PCDHA4: variants seen among roughly 807,000 people sequenced by gnomAD.
PCDHA4 encodes protocadherin alpha-4.
PCDHA4 carries 49 observed loss-of-function variants against 61.4 expected under a neutral mutation model. The ratio of observed to expected loss-of-function variants is 0.80; its 90% CI spans 0.63 to 1.01. PCDHA4 has a LOEUF of 1.01. Ranked by LOEUF, PCDHA4 falls within the 50% of genes least tolerant of loss-of-function variation. The pLI, the probability that PCDHA4 is intolerant of heterozygous loss-of-function variation, is 0.00. For missense variants in PCDHA4, 1,254 were observed against 1,235.8 expected (o/e 1.01, Z -0.22); for synonymous variants, 590 against 550.3 (o/e 1.07, Z -1.01).
intron 1 of PCDHA4, chr5:140,865,696 A>G (rs1233175579): frequency 2.0e-5 from 3 of 152,192 alleles, no homozygotes; most frequent in African/African-American, 7.2e-5. Flanking sequence ...GACTGTTCCA[A>G]TTTGAAAGAT....
intron 1 of PCDHA4, among the ~76,000 whole-genome samples, chr5:140,937,624 A>G (rs2091636613): frequency 6.6e-6 from 1 of 150,778 alleles, no homozygotes; most frequent in Non-Finnish European, 1.5e-5. Context: ...CTAAAAAGAA[A>G]AAGAAAGGCA....
intron 1 of PCDHA4, chr5:140,927,139 C>T: frequency 6.2e-7 from 1 of 1,614,046 alleles, no homozygotes; most frequent in Non-Finnish European, 8.5e-7. Context: ...GCCGGCGGAC[C>T]GCGAACAGCT....
At chr5:140,897,381 T>C (rs1258843270) in intron 1 of PCDHA4, among the ~76,000 whole-genome samples, 1 of 136,686 alleles carries the variant, frequency 7.3e-6, no homozygotes, top group Non-Finnish European at 1.5e-5. Flanking sequence ...CCCTTCCCCT[T>C]CCTGTGTCCA....
chr5:140,870,319 T>C (rs782623881), intron 1 of PCDHA4: 3 of 1,614,162 alleles, frequency 1.9e-6, no homozygotes, highest in Non-Finnish European at 2.5e-6. Context: ...TTACTACTCG[T>C]TGGTGCTGGA....
chr5:140,969,473 A>G (rs562575347), intron 1 of PCDHA4: 1 of 1,478,090 alleles, frequency 6.8e-7, no homozygotes, highest in Non-Finnish European at 9.0e-7. Flanking sequence ...CCACAATTTG[A>G]TCATAATCTG....
intron 1 of PCDHA4, among the ~76,000 whole-genome samples, chr5:140,916,064 T>G (rs1282899200): frequency 1.3e-5 from 2 of 152,156 alleles, no homozygotes; most frequent in African/African-American, 4.8e-5. Flanking sequence ...CCTCTCCCTG[T>G]GGCCAGTACT....
intron 1 of PCDHA4, chr5:140,822,475 G>A (rs2150116650): frequency 1.2e-6 from 2 of 1,613,728 alleles, no homozygotes; most frequent in South Asian, 1.1e-5. Context: ...TGTATTGGAT[G>A]CTAATGATAA....
chr5:140,876,228 T>G (rs1196218506), intron 1 of PCDHA4: 6 of 1,613,958 alleles, frequency 3.7e-6, no homozygotes, highest in Non-Finnish European at 5.1e-6. Flanking sequence ...TAGTGTTGTC[T>G]GAAAATGTCC....
intron 1 of PCDHA4, chr5:140,853,279 A>T: frequency 1.0e-6 from 1 of 979,476 alleles, no homozygotes; most frequent in African/African-American, 1.8e-5. Flanking sequence ...CTCTCATCAT[A>T]TGCAAATTCT....
intron 3 of PCDHA4, among the ~76,000 whole-genome samples, chr5:141,007,087 A>G (rs1554261040): frequency 6.6e-6 from 1 of 152,112 alleles, no homozygotes; most frequent in African/African-American, 2.4e-5. Context: ...AATAGAGAAG[A>G]GAGTCTAGGG....
At chr5:140,898,306 G>A (rs192633483) in intron 1 of PCDHA4, among the ~76,000 whole-genome samples, 25 of 152,228 alleles carry the variant, frequency 1.6e-4, no homozygotes, top group Non-Finnish European at 3.1e-4. Flanking sequence ...TTTCTTCTAG[G>A]GTTTTTATGG....
intron 1 of PCDHA4, among the ~76,000 whole-genome samples, chr5:140,906,762 G>GAGAC (rs1413130419): frequency 6.6e-6 from 1 of 152,218 alleles, no homozygotes; most frequent in Non-Finnish European, 1.5e-5. Context: ...GTAATACTAA[G>GAGAC]AGACACCCTA....
chr5:140,808,103 G>A lies in PCDHA4; in HGVS notation c.916G>A (p.Gly306Arg). ...DPITGQIIVK[G>R]YIDFEESKSY... ...AATTACTGGACAAATTATTGTAAAGGGATATATTGACTTTGAAGAAAGCAA... is the reference window on the plus strand; with the variant it reads ...AATTACTGGACAAATTATTGTAAAGAGATATATTGACTTTGAAGAAAGCAA... Residue 306 changes from glycine (G) to arginine (R), a missense_variant, in exon 1 of 4, where the codon GGA (glycine) becomes AGA (arginine). Coordinates refer to ENST00000530339, the MANE Select transcript of PCDHA4 (RefSeq NM_018907.4). 1 of 1,613,814 alleles carries A rather than the reference G, an allele frequency of 6.2e-7. No individual in the cohort carries two copies. The highest frequency in any genetic ancestry group is 8.5e-7 in the Non-Finnish European group (1 of 1,179,736).
At chr5:140,927,816 A>G in intron 1 of PCDHA4, 2 of 1,614,198 alleles carry the variant, frequency 1.2e-6, no homozygotes, top group Non-Finnish European at 1.7e-6. Flanking sequence ...TCTTGGAGGC[A>G]TACATTGAGG....
intron 1 of PCDHA4, chr5:140,821,411 G>A (rs966320829): frequency 1.1e-5 from 2 of 178,732 alleles, no homozygotes; most frequent in Non-Finnish European, 2.4e-5. Context: ...TTAAGATAGA[G>A]TTTAATGATA....
At chr5:140,998,403 A>G (rs375947232) in intron 3 of PCDHA4, among the ~76,000 whole-genome samples, 5 of 152,114 alleles carry the variant, frequency 3.3e-5, no homozygotes, top group Non-Finnish European at 7.4e-5. Context: ...CTTTATGCCA[A>G]AGTTTATCTA....
rs1282110712 is a variant in PCDHA4, at chr5:140,926,177, A to G, written c.2386-52772A>G. Among the ~76,000 whole-genome samples the G allele has an allele frequency of 2.0e-5, 3 of 151,672 alleles. No individual in the cohort carries two copies. The South Asian group carries it at 6.6e-4, about 34-fold the overall frequency. On this transcript the variant is annotated intron_variant, in intron 1 of 3. Coordinates refer to ENST00000530339, the MANE Select transcript of PCDHA4 (RefSeq NM_018907.4). ...CTCTGCAGCAGGATCCAGCGCGGAA[A>G]GCCCCCCGCAGCACTTCTTTCGGGG...
chr5:141,003,560 G>T (rs1011065385), intron 3 of PCDHA4, among the ~76,000 whole-genome samples: 1 of 152,062 alleles, frequency 6.6e-6, no homozygotes, highest in Non-Finnish European at 1.5e-5. Context: ...TGATCCACCT[G>T]CCTCAGACTC....
intron 1 of PCDHA4, among the ~76,000 whole-genome samples, chr5:140,907,806 A>G (rs1046843294): frequency 2.6e-5 from 4 of 152,192 alleles, no homozygotes; most frequent in Non-Finnish European, 5.9e-5. Flanking sequence ...AGTGGTGTCC[A>G]CAGAACGAGT....
Sources: gnomAD v4.1 joint callset for allele counts (sites outside exome capture counted in the v4.1 genomes callset) on GRCh38, gnomAD v4.1.1 for gene constraint, MANE v1.5 for transcripts, NCBI Gene and HGNC (gene_info 2026-07-23, HGNC 2026-07-21) for gene names.